The following RTN4RL1 variants were observed in gnomAD, a reference collection of about 807,000 sequenced individuals.
RTN4RL1 encodes reticulon 4 receptor like 1, also known as reticulon-4 receptor-like 1.
Under a neutral mutation model 25.6 loss-of-function variants are expected in RTN4RL1, and 7 were observed. That is an observed-to-expected ratio of 0.27 (90% CI 0.16 to 0.51). The LOEUF is 0.51. Among genes scored for constraint, RTN4RL1 ranks in the 20% least tolerant of loss-of-function variants. RTN4RL1 has a pLI of 0.97. For missense variants in RTN4RL1, 500 were observed against 615.6 expected, an observed-to-expected ratio of 0.81 and a Z score of 1.99; for synonymous variants, 297 against 288.2, an observed-to-expected ratio of 1.03 and a Z score of -0.31.
Position 1,935,610 on chromosome 17 carries a change from A to C in RTN4RL1, c.*886T>G. ...CACTTTGTTTTTGCTAGAAATCACC[A>C]ATACAATCCTTAGTTCAGCAAATAC... On this transcript the variant is annotated 3_prime_UTR_variant, in exon 2 of 2. Transcript: ENST00000331238. The C allele has an allele frequency of 3.1e-6, 3 of 983,010 alleles. No individual in the cohort carries two copies. The highest frequency in any genetic ancestry group is 3.6e-6 in the Non-Finnish European group (3 of 828,092). The allele number at this position is 983,010 out of a possible 1,614,324, so 60.9% of individuals were successfully genotyped here.
At chr17:1,961,073 C>G (rs1915884577) in intron 1 of RTN4RL1, among the ~76,000 whole-genome samples, 1 of 152,204 alleles carries the variant, frequency 6.6e-6, no homozygotes, top group African/African-American at 2.4e-5. Context: ...TTGTCGCTCC[C>G]TGTGATATCC....
chr17:1,982,976 G>A (rs940769807), intron 1 of RTN4RL1, among the ~76,000 whole-genome samples: 1 of 152,232 alleles, frequency 6.6e-6, no homozygotes, highest in East Asian at 1.9e-4. Flanking sequence ...GCAGCAACCC[G>A]CAAACTGGGC....
chr17:1,956,571 G>A (rs1271881152), intron 1 of RTN4RL1, among the ~76,000 whole-genome samples: 1 of 152,158 alleles, frequency 6.6e-6, no homozygotes, highest in Non-Finnish European at 1.5e-5. Context: ...GTATCCCACT[G>A]CATGGACAGA....
At chr17:1,976,057 T>C (rs1377435854) in intron 1 of RTN4RL1, among the ~76,000 whole-genome samples, 1 of 152,206 alleles carries the variant, frequency 6.6e-6, no homozygotes, top group African/African-American at 2.4e-5. Context: ...CATATGATTT[T>C]CCTCCCTCTC....
chr17:1,973,694 C>T (rs1211406148), intron 1 of RTN4RL1, among the ~76,000 whole-genome samples: 1 of 152,032 alleles, frequency 6.6e-6, no homozygotes, highest in Non-Finnish European at 1.5e-5. Context: ...CCCAGCCCCG[C>T]ATGTTAGCTT....
rs1915811276 is a variant in RTN4RL1 at position 1,957,212 on chromosome 17, T to C, written c.14-19404A>G. On this transcript the variant is annotated intron_variant, in intron 1 of 1. Transcript: ENST00000331238. ...GAGTCCAAGTGCTCCTGACATTTGC[T>C]GATGAGTCACCTTTCAGAACATTCA... 2.0e-5 allele frequency among the ~76,000 whole-genome samples: 3 copies of C among 152,240 alleles called. No homozygotes were observed. The South Asian group carries it at 6.2e-4, about 31-fold the overall frequency.
At chr17:1,962,776 T>C (rs1376770481) in intron 1 of RTN4RL1, among the ~76,000 whole-genome samples, 6 of 146,138 alleles carry the variant, frequency 4.1e-5, no homozygotes, top group Non-Finnish European at 5.9e-5. Context: ...GGTAAGAGAA[T>C]AGCTTGAACC....
chr17:2,017,245 G>A (rs1017063734), intron 1 of RTN4RL1, among the ~76,000 whole-genome samples: 1 of 152,242 alleles, frequency 6.6e-6, no homozygotes, highest in Non-Finnish European at 1.5e-5. Flanking sequence ...TGGGCTGAAA[G>A]TTGGGAGCCC....
chr17:1,981,869 C>A (rs112464927), intron 1 of RTN4RL1, among the ~76,000 whole-genome samples: 1,737 of 152,366 alleles, frequency 0.011, 30 homozygotes, highest in African/African-American at 0.039. Context: ...ATAGAGTATA[C>A]TTACAGAAAT....
In RTN4RL1 at chr17:1,989,325, G is replaced by A. The variant is rs147670276; in HGVS notation, c.13+35528C>T. 8.1e-3 allele frequency among the ~76,000 whole-genome samples: 1,224 copies of A among 151,780 alleles called. 14 individuals carry two copies. The highest frequency in any genetic ancestry group is 0.014 in the Non-Finnish European group (947 of 67,902). On this transcript the variant is annotated intron_variant, in intron 1 of 1. Coordinates refer to ENST00000331238, the MANE Select transcript of RTN4RL1 (RefSeq NM_178568.4). The stretch of plus-strand genomic sequence containing the variant: ...TAGATTTGGACACTTCTATTAATGT[G>A]GCCAAAAATTATAGAGGCTTTTTTT...
Position 1,935,713 on chromosome 17 carries a change from A to ATG in RTN4RL1, c.*782_*783insCA, listed in dbSNP as rs1409814069. On this transcript the variant is annotated 3_prime_UTR_variant, in exon 2 of 2. Transcript: ENST00000331238. Reference sequence around the variant, plus strand: ...TGGGAGGGGGACTGTGCATTTGTGTATATATATATATATATATATATATAT... The same window carrying ATG: ...TGGGAGGGGGACTGTGCATTTGTGTATGTATATATATATATATATATATATAT... 17 of 106,906 alleles carry ATG rather than the reference A, an allele frequency of 1.6e-4. No individual in the cohort carries two copies. Among genetic ancestry groups the ATG allele is most frequent in the Admixed American group, 8.5e-4 (4 of 4,702 alleles). 6.6% of individuals were successfully genotyped at this position (106,906 alleles called of 1,614,324 possible).
intron 1 of RTN4RL1, among the ~76,000 whole-genome samples, chr17:1,992,313 C>A (rs1179410388): frequency 6.8e-6 from 1 of 148,074 alleles, no homozygotes; most frequent in African/African-American, 2.5e-5. Flanking sequence ...GAGCCAAGAT[C>A]GCGCCACTGC....
Position 1,999,547 on chromosome 17 carries a change from C to T in RTN4RL1, c.13+25306G>A, listed in dbSNP as rs182556026. On this transcript the variant is annotated intron_variant, in intron 1 of 1. Coordinates refer to ENST00000331238, the MANE Select transcript of RTN4RL1 (RefSeq NM_178568.4). The stretch of plus-strand genomic sequence containing the variant: ...CAACACCCATACACAAAGAGCTGTT[C>T]ACCCACTGCCACCCTGTACATGTCG... 7.2e-5 allele frequency among the ~76,000 whole-genome samples: 11 copies of T among 152,258 alleles called. No homozygotes were observed. The South Asian group carries it at 1.5e-3, about 20-fold the overall frequency.
intron 1 of RTN4RL1, among the ~76,000 whole-genome samples, chr17:2,010,820 C>T (rs1341778567): frequency 5.9e-5 from 9 of 152,178 alleles, no homozygotes; most frequent in South Asian, 4.1e-4. Context: ...ATCCTGGGTT[C>T]GAGTGATCCT....
rs1215126672 is a variant in RTN4RL1 at position 1,998,124 on chromosome 17, C to G, written c.13+26729G>C. 1.3e-5 allele frequency among the ~76,000 whole-genome samples: 2 copies of G among 152,168 alleles called. No individual in the cohort carries two copies. The highest frequency in any genetic ancestry group is 2.9e-5 in the Non-Finnish European group (2 of 68,006). On this transcript the variant is annotated intron_variant, in intron 1 of 1. Coordinates refer to ENST00000331238, the MANE Select transcript of RTN4RL1 (RefSeq NM_178568.4). This position sits in a 1 kb window ranked among gnomAD's most constrained non-coding sequence, Gnocchi z 4.9. ...GAGCTGCCGGGGCTGGCAGGGGAGC[C>G]AGACGGCGGCGGAGGGGGCGGGGAG...
chr17:2,017,623 C>T (rs891351941), intron 1 of RTN4RL1: 1 of 152,296 alleles, frequency 6.6e-6, no homozygotes, highest in Non-Finnish European at 1.5e-5. Flanking sequence ...CAACAGTGAC[C>T]TCTGCCACAC....
chr17:1,978,253 C>G (rs1304764187), intron 1 of RTN4RL1, among the ~76,000 whole-genome samples: 1 of 152,234 alleles, frequency 6.6e-6, no homozygotes, highest in African/African-American at 2.4e-5. Context: ...CCAAGAGCCC[C>G]GACCCGTGCA....
chr17:1,951,008 G>A (rs1915663235), intron 1 of RTN4RL1, among the ~76,000 whole-genome samples: 1 of 152,092 alleles, frequency 6.6e-6, no homozygotes, highest in Non-Finnish European at 1.5e-5. Flanking sequence ...GCTCACGCCT[G>A]TAATCCCAGC....
intron 1 of RTN4RL1, among the ~76,000 whole-genome samples, chr17:1,964,697 A>G (rs1186576445): frequency 6.6e-6 from 1 of 151,160 alleles, no homozygotes; most frequent in Non-Finnish European, 1.5e-5. Context: ...ACACCAGTGC[A>G]CTCCAGCCTG....
Sources: gnomAD v4.1 joint callset for allele counts (sites outside exome capture counted in the v4.1 genomes callset) on GRCh38, gnomAD v4.1.1 for gene constraint, Gnocchi (gnomAD v3.1) non-coding constraint, MANE v1.5 for transcripts, NCBI Gene and HGNC (gene_info 2026-07-23, HGNC 2026-07-21) for gene names.